The following PPFIBP2 variants were observed in gnomAD, a reference collection of about 807,000 sequenced individuals.
PPFIBP2 encodes liprin-beta-2.
Under a neutral mutation model 118.3 loss-of-function variants are expected in PPFIBP2, and 118 were observed. The observed-to-expected ratio is 1.00, with a 90% CI of 0.86 to 1.16. The LOEUF is 1.16. Ranked by LOEUF, PPFIBP2 falls within the 50% of genes most tolerant of loss-of-function variation. The probability of loss-of-function intolerance (pLI) is 0.00; values close to 1 mark genes in which losing one functional copy is unlikely to be tolerated. For synonymous variants in PPFIBP2, 414 were observed against 397.4 expected (o/e 1.04, Z -0.50); for missense variants, 1,195 against 1,073.1 (o/e 1.11, Z -1.59).
intron 17 of PPFIBP2, among the ~76,000 whole-genome samples, chr11:7,643,637 A>G (rs921041834): frequency 6.6e-6 from 1 of 152,236 alleles, no homozygotes; most frequent in African/African-American, 2.4e-5. Context: ...TGGAAAAGAA[A>G]GGCCTTGTGA....
chr11:7,589,134 A>G (rs1858751382), intron 3 of PPFIBP2, among the ~76,000 whole-genome samples: 1 of 152,230 alleles, frequency 6.6e-6, no homozygotes, highest in Admixed American at 6.5e-5. Flanking sequence ...TATGTAACAC[A>G]GCTTACCATT....
At chr11:7,661,017 GTC>G (rs1854879247), downstream of PPFIBP2, among the ~76,000 whole-genome samples, 2 of 151,682 alleles carry the variant, frequency 1.3e-5, no homozygotes, top group South Asian at 4.2e-4. Context: ...TTTTTATTGT[GTC>G]TATTTGATTC....
At chr11:7,518,342 A>C (rs766520764) in intron 1 of PPFIBP2, among the ~76,000 whole-genome samples, 4 of 152,144 alleles carry the variant, frequency 2.6e-5, no homozygotes, top group Non-Finnish European at 5.9e-5. Flanking sequence ...CATGAGAGAG[A>C]AAAAGGGCTG....
chr11:7,666,252 C>T, the PPFIBP2 span: 12 of 595,890 alleles, frequency 2.0e-5, no homozygotes, highest in Non-Finnish European at 3.0e-5. Flanking sequence ...CACCTGCTCT[C>T]GATTGCCCTT....
In PPFIBP2 at chr11:7,542,979, C is replaced by T. The variant is rs72849016; in HGVS notation, c.-36-6461C>T. The stretch of plus-strand genomic sequence containing the variant: ...TAAAAGAGGTTAAAAGACTCACAGC[C>T]ATTATGCAGCAGAGCCCATGTTTTC... On this transcript the variant is annotated intron_variant, in intron 1 of 23. Coordinates refer to ENST00000299492, the MANE Select transcript of PPFIBP2 (RefSeq NM_003621.5). Among the ~76,000 whole-genome samples the T allele has an allele frequency of 7.1e-3, 1,086 of 152,296 alleles. 9 individuals carry two copies. Among genetic ancestry groups the T allele is most frequent in the Non-Finnish European group, 0.01 (685 of 68,016 alleles).
chr11:7,587,480 C>G (rs140175235), intron 3 of PPFIBP2, among the ~76,000 whole-genome samples: 1 of 152,158 alleles, frequency 6.6e-6, no homozygotes, highest in Non-Finnish European at 1.5e-5. Flanking sequence ...ATGTATTAAC[C>G]AGAACTTTTG....
rs759938584 is a variant in PPFIBP2 at position 7,630,911 on chromosome 11, C to G, written c.965-14C>G. The G allele has an allele frequency of 1.1e-5, 18 of 1,599,702 alleles. No individual in the cohort carries two copies. Among genetic ancestry groups the G allele is most frequent in the Non-Finnish European group, 1.5e-5 (18 of 1,166,986 alleles). ...GAATTCAACAATTCAGTCTTACTAC[C>G]TTAATGCTTGCAGGGCCTTCGGAGA... On this transcript the variant is annotated splice_polypyrimidine_tract_variant and intron_variant, in intron 10 of 23. Coordinates refer to ENST00000299492, the MANE Select transcript of PPFIBP2 (RefSeq NM_003621.5).
intron 23 of PPFIBP2, among the ~76,000 whole-genome samples, chr11:7,652,769 G>T (rs2136041748): frequency 6.6e-6 from 1 of 152,342 alleles, no homozygotes; most frequent in South Asian, 2.1e-4. Flanking sequence ...AAGTCACTTT[G>T]GTGGGGCAGC....
chr11:7,521,950 G>T lies in PPFIBP2; in HGVS notation c.-37+7829G>T, dbSNP rs1159921565. ...AGAGGTGAAGATGGAGTCCCAGGCT[G>T]GGAAGAGATCATGGAAGGCCTTGAA... On this transcript the variant is annotated intron_variant, in intron 1 of 23. Transcript: ENST00000299492. 2.6e-5 allele frequency among the ~76,000 whole-genome samples: 4 copies of T among 152,156 alleles called. No individual in the cohort carries two copies. The East Asian group carries it at 5.8e-4, about 22-fold the overall frequency.
chr11:7,572,551 G>A (rs1205563848), intron 3 of PPFIBP2, among the ~76,000 whole-genome samples: 1 of 152,130 alleles, frequency 6.6e-6, no homozygotes, highest in African/African-American at 2.4e-5. Context: ...CCTGCTTCAG[G>A]CCCAGGGGCC....
intron 1 of PPFIBP2, among the ~76,000 whole-genome samples, chr11:7,529,526 A>G (rs1486586693): frequency 6.6e-6 from 1 of 152,028 alleles, no homozygotes; most frequent in Admixed American, 6.5e-5. Context: ...TCTCAAGGCC[A>G]TCTCTAGAGT....
chr11:7,611,254 CT>C (rs1848040097), intron 6 of PPFIBP2, among the ~76,000 whole-genome samples: 1 of 152,226 alleles, frequency 6.6e-6, no homozygotes, highest in Non-Finnish European at 1.5e-5. Flanking sequence ...AAATGGATAA[CT>C]GTGTGGTAAA....
rs1210308259 is a variant in PPFIBP2, at chr11:7,616,473, T to G, written c.619-4462T>G. Among the ~76,000 whole-genome samples, 1 of 152,232 alleles carries G rather than the reference T, an allele frequency of 6.6e-6. No individual in the cohort carries two copies. The highest frequency in any genetic ancestry group is 2.4e-5 in the African/African-American group (1 of 41,462). ...TCCTCAAGGAGTGAGTCTCGTCAGA[T>G]TGGCCTTATCGGTTTGGCCGGGAAT... On this transcript the variant is annotated intron_variant, in intron 6 of 23. Coordinates refer to ENST00000299492, the MANE Select transcript of PPFIBP2 (RefSeq NM_003621.5). This position sits in a 1 kb window ranked among gnomAD's most constrained non-coding sequence, Gnocchi z 5.2.
the PPFIBP2 span, among the ~76,000 whole-genome samples, chr11:7,662,310 ACTTC>A: frequency 2.6e-5 from 4 of 152,006 alleles, no homozygotes. Flanking sequence ...CATGTTTAGC[ACTTC>A]CTTCAGGAGC....
At chr11:7,603,906 T>G (rs1406996734) in intron 5 of PPFIBP2, among the ~76,000 whole-genome samples, 2 of 152,078 alleles carry the variant, frequency 1.3e-5, no homozygotes, top group Non-Finnish European at 2.9e-5. Context: ...TTCAAACAAT[T>G]GGGAGCAGAA....
intron 5 of PPFIBP2, 42 bp downstream of exon 5, chr11:7,597,715 C>T (rs769723661): frequency 6.6e-7 from 1 of 1,506,554 alleles, no homozygotes. Flanking sequence ...GCCGAAGCAG[C>T]TCATGTGCTG....
rs753425195 is a variant in PPFIBP2 at position 7,653,294 on chromosome 11, C to T, written c.*76C>T. 2 of 1,589,360 alleles carry T rather than the reference C, an allele frequency of 1.3e-6. No homozygotes were observed. The highest frequency in any genetic ancestry group is 1.7e-6 in the Non-Finnish European group (2 of 1,169,210). On this transcript the variant is annotated 3_prime_UTR_variant, in exon 24 of 24. Transcript: ENST00000299492. ...TGTGTGTCACCATATAACTGCACCTCACCCCCGCACGTGTGCATGACTCGC... is the reference window on the plus strand; with the variant it reads ...TGTGTGTCACCATATAACTGCACCTTACCCCCGCACGTGTGCATGACTCGC...
At chr11:7,569,092 G>C (rs971165538) in intron 3 of PPFIBP2, 1 of 152,212 alleles carries the variant, frequency 6.6e-6, no homozygotes, top group African/African-American at 2.4e-5. Context: ...TGGAGGAGTG[G>C]TCCATAGTTA....
chr11:7,656,238 T>C (rs112341870), downstream of PPFIBP2, among the ~76,000 whole-genome samples: 566 of 152,352 alleles, frequency 3.7e-3, 4 homozygotes, highest in African/African-American at 0.013. Context: ...CTTTTAGTTC[T>C]TGGACATTCC....
Sources: allele counts gnomAD v4.1 joint callset (sites outside exome capture counted in the v4.1 genomes callset), GRCh38; gene constraint gnomAD v4.1.1; non-coding constraint Gnocchi (gnomAD v3.1); transcripts MANE v1.5; gene names NCBI Gene and HGNC (gene_info 2026-07-23, HGNC 2026-07-21).